Variants in SHFL observed in about 807,000 individuals in gnomAD.
The protein encoded by SHFL is shiftless antiviral inhibitor of ribosomal frameshifting protein.
Under a neutral mutation model 34.7 loss-of-function variants are expected in SHFL, and 12 were observed. The ratio of observed to expected loss-of-function variants is 0.35; its 90% CI spans 0.22 to 0.56. SHFL has a LOEUF of 0.56. Ranked by LOEUF, SHFL falls within the 20% of genes least tolerant of loss-of-function variation. The pLI is 0.88. For synonymous variants in SHFL, 148 were observed against 156.0 expected (o/e 0.95, Z 0.38); for missense variants, 278 against 411.1 (o/e 0.68, Z 2.80).
At chr19:10,088,953 T>TATA (rs76308973) in intron 3 of SHFL, 36,855 of 136,506 alleles carry the variant, frequency 0.27, 4,920 homozygotes, top group Middle Eastern at 0.34. Flanking sequence ...GTCTCAAAAA[T>TATA]ATAATAATAA....
Position 10,090,130 on chromosome 19 carries a change from C to T in SHFL, c.384+83C>T, listed in dbSNP as rs1177410103. On this transcript the variant is annotated intron_variant, in intron 5 of 7. Coordinates refer to ENST00000253110, the MANE Select transcript of SHFL (RefSeq NM_018381.4). ...TATCCTCAGTGACTGTACCTCTGAC[C>T]TAAGGATTTCAATCACTGAGAGTCC... The T allele has an allele frequency of 4.9e-6, 7 of 1,440,996 alleles. No individual in the cohort carries two copies. The South Asian group carries it at 7.6e-5, about 16-fold the overall frequency. The allele number at this position is 1,440,996 out of a possible 1,614,324, so 89.3% of individuals were successfully genotyped here.
chr19:10,087,591 A>G, intron 3 of SHFL: 1 of 445,486 alleles, frequency 2.2e-6, no homozygotes, highest in Non-Finnish European at 4.1e-6. Context: ...GGGGGCGCAG[A>G]GGTCAGAGAA....
chr19:10,091,764 C>G lies in SHFL; in HGVS notation c.643+134C>G. On this transcript the variant is annotated intron_variant, in intron 7 of 7. Coordinates refer to ENST00000253110, the MANE Select transcript of SHFL (RefSeq NM_018381.4). This position sits in a 1 kb window ranked among gnomAD's most constrained non-coding sequence, Gnocchi z 8.2. ...CTTCCACATGGCCTCCATGACCCCCCAGTCTCCGTGGTCTTGCCCAGGAGG... is the reference window on the plus strand; with the variant it reads ...CTTCCACATGGCCTCCATGACCCCCGAGTCTCCGTGGTCTTGCCCAGGAGG... 1.6e-6 allele frequency: 2 copies of G among 1,268,874 alleles called. No individual in the cohort carries two copies. The highest frequency in any genetic ancestry group is 2.6e-5 in the East Asian group (1 of 38,864). 78.6% of individuals were successfully genotyped at this position (1,268,874 alleles called of 1,614,324 possible).
At chr19:10,087,893 T>G (rs898871933) in intron 3 of SHFL, 1 of 160,756 alleles carries the variant, frequency 6.2e-6, no homozygotes, top group Non-Finnish European at 1.4e-5. Flanking sequence ...ATGGCTACTT[T>G]GCTTCTTTGA....
At position 10,091,133 on chromosome 19, in the gene SHFL, T is replaced by C. The variant is rs888206561; in HGVS notation, c.385-117T>C. On this transcript the variant is annotated intron_variant, in intron 5 of 7. Transcript: ENST00000253110. This position sits in a 1 kb window ranked among gnomAD's most constrained non-coding sequence, Gnocchi z 8.2. ...TACCCACGTGAAGTCACTGATTGAGTTGGGTTGCTCAAGCTGAGGCCAGCC... is the reference window on the plus strand; with the variant it reads ...TACCCACGTGAAGTCACTGATTGAGCTGGGTTGCTCAAGCTGAGGCCAGCC... 7.5e-5 allele frequency: 55 copies of C among 737,158 alleles called. No individual in the cohort carries two copies. In the African/African-American group the frequency reaches 8.7e-4, roughly 12 times the overall value. The allele number at this position is 737,158 out of a possible 1,614,324, so 45.7% of individuals were successfully genotyped here.
At position 10,088,463 on chromosome 19, in the gene SHFL, G is replaced by A. The variant is rs573960723; in HGVS notation, c.195+1163G>A. Among the ~76,000 whole-genome samples, 3 of 151,516 alleles carry A rather than the reference G, an allele frequency of 2.0e-5. No homozygotes were observed. In the East Asian group the frequency reaches 5.8e-4, roughly 30 times the overall value. On this transcript the variant is annotated intron_variant, in intron 3 of 7. Transcript: ENST00000253110. ...AGGCCCCTGTAGTCCCAGCTACTCA[G>A]GAGGCTGAGGCAGGAGAATGGCGTG...
In SHFL at chr19:10,086,697, GC is replaced by G; in HGVS notation, c.22-225del. 5.0e-6 allele frequency: 3 copies of G among 594,780 alleles called. No individual in the cohort carries two copies. The highest frequency in any genetic ancestry group is 1.9e-5 in the African/African-American group (1 of 53,134). 36.8% of individuals were successfully genotyped at this position (594,780 alleles called of 1,614,324 possible). On this transcript the variant is annotated intron_variant, in intron 1 of 7. Coordinates refer to ENST00000253110, the MANE Select transcript of SHFL (RefSeq NM_018381.4). The surrounding 1 kb of genome is among the most constrained non-coding windows in gnomAD (Gnocchi z 5.2). ...GTCAGAGGCCAGAGATAACCTGGCC[GC>G]CCCCCCACACCTTAGGCTGGGACGC... is the stretch of plus-strand genomic sequence containing the variant.
At chr19:10,089,602 G>A in intron 3 of SHFL, 55 bp from the exon 4 acceptor site, 2 of 1,560,612 alleles carry the variant, frequency 1.3e-6, no homozygotes, top group South Asian at 2.4e-5. Flanking sequence ...CAGCAAACGG[G>A]TGGAAAGAGG....
Position 10,091,542 on chromosome 19 carries a change from G to A in SHFL, c.555G>A (p.Arg185=), listed in dbSNP as rs1296255169. ...GCGGCTTCCCCGTGTATCCAACACG[G>A]ATCCTCCCCCCGCGCTGGGACCGGG... ...YGCGFPVYPT[R]ILPPRWDRDP... The change falls in exon 7 of 8, where the codon CGG becomes CGA. Residue 185 remains arginine (R), a synonymous_variant. Coordinates refer to ENST00000253110, the MANE Select transcript of SHFL (RefSeq NM_018381.4). This position sits in a 1 kb window ranked among gnomAD's most constrained non-coding sequence, Gnocchi z 8.2. The A allele has an allele frequency of 3.2e-6, 5 of 1,550,692 alleles. No homozygotes were observed. In the Admixed American group the frequency reaches 5.9e-5, roughly 18 times the overall value.
chr19:10,089,972 C>A lies in SHFL; in HGVS notation c.309C>A (p.Ile103=). The A allele has an allele frequency of 6.2e-7, 1 of 1,611,060 alleles. No homozygotes were observed. The highest frequency in any genetic ancestry group is 1.1e-5 in the South Asian group (1 of 90,158). ...RMFQRAQDDL[I]PAVDRQFACS... ...TTCAACGTGCCCAGGACGACCTTAT[C>A]CCTGCTGTGGACCGGCAGTTTGCCT... The change falls in exon 5 of 8, where the codon ATC becomes ATA. Residue 103 remains isoleucine, a synonymous_variant. Transcript: ENST00000253110.
At position 10,090,025 on chromosome 19, in the gene SHFL, G is replaced by A. The variant is rs759646145; in HGVS notation, c.362G>A (p.Arg121His). 9.3e-6 allele frequency: 15 copies of A among 1,605,072 alleles called. No individual in the cohort carries two copies. Among genetic ancestry groups the A allele is most frequent in the Non-Finnish European group, 1.0e-5 (12 of 1,176,398 alleles). Residue 121 changes from arginine to histidine, a missense_variant, in exon 5 of 8, where the codon CGC (arginine) becomes CAC (histidine). Physicochemically the swap from Arg to His is conservative, Grantham distance 29. Coordinates refer to ENST00000253110, the MANE Select transcript of SHFL (RefSeq NM_018381.4). Reference protein sequence around the residue: ...ACSSCDHVWWRRVPQRKEVSR... With the variant: ...ACSSCDHVWWHRVPQRKEVSR... ...TCCTCCTGCGACCACGTCTGGTGGCGCCGCGTGCCCCAGCGGAAGGAGGTG... is the reference window on the plus strand; with the variant it reads ...TCCTCCTGCGACCACGTCTGGTGGCACCGCGTGCCCCAGCGGAAGGAGGTG...
chr19:10,093,189 G>T lies in SHFL; in HGVS notation c.*887G>T. The T allele has an allele frequency of 1.0e-6, 1 of 999,814 alleles. No homozygotes were observed. The allele number at this position is 999,814 out of a possible 1,614,324, so 61.9% of individuals were successfully genotyped here. A position where few individuals can be genotyped will look rare whatever the true frequency, so the allele number is the denominator to read the frequency against. On this transcript the variant is annotated 3_prime_UTR_variant, in exon 8 of 8. Coordinates refer to ENST00000253110, the MANE Select transcript of SHFL (RefSeq NM_018381.4). Reference sequence around the variant, plus strand: ...ATCTGGACTCCCCATCCCCCCACCAGGATAAAAGTCCTGACCTTTGTTCTC... The same window carrying T: ...ATCTGGACTCCCCATCCCCCCACCATGATAAAAGTCCTGACCTTTGTTCTC...
At chr19:10,087,575 C>T in intron 3 of SHFL, 2 of 526,456 alleles carry the variant, frequency 3.8e-6, no homozygotes, top group South Asian at 2.2e-5. Context: ...TTATTGCCAT[C>T]ATAGCGGGGG....
In SHFL at chr19:10,092,051, A is replaced by C. The variant is rs1181338800; in HGVS notation, c.644-19A>C. The C allele has an allele frequency of 1.9e-6, 3 of 1,613,518 alleles. No homozygotes were observed. The highest frequency in any genetic ancestry group is 1.6e-4 in the Middle Eastern group (1 of 6,074). ...ATGGGACCTCCAGCCCCATGTCTGC[A>C]GCACCTCTCCCTCCCTAGAGCCCCA... On this transcript the variant is annotated intron_variant, in intron 7 of 7. Coordinates refer to ENST00000253110, the MANE Select transcript of SHFL (RefSeq NM_018381.4).
At position 10,092,805 on chromosome 19, in the gene SHFL, C is replaced by G. The variant is rs551292743; in HGVS notation, c.*503C>G. The stretch of plus-strand genomic sequence containing the variant: ...CTGAGGGGAGAGAGAGAGTCCATGT[C>G]CTCTCACCAGAATAAAAGCCTCTAC... On this transcript the variant is annotated 3_prime_UTR_variant, in exon 8 of 8. Transcript: ENST00000253110. 5.1e-6 allele frequency: 8 copies of G among 1,553,964 alleles called. No individual in the cohort carries two copies. The Admixed American group carries it at 1.5e-4, about 29-fold the overall frequency.
chr19:10,090,142 A>G, intron 5 of SHFL, 95 bp downstream of exon 5: 4 of 1,368,818 alleles, frequency 2.9e-6, no homozygotes, highest in Non-Finnish European at 4.0e-6. Context: ...AAGGATTTCA[A>G]TCACTGAGAG....
intron 4 of SHFL, 60 bp downstream of exon 4, chr19:10,089,755 G>C: frequency 1.3e-6 from 2 of 1,564,100 alleles, no homozygotes; most frequent in Non-Finnish European, 1.7e-6. Flanking sequence ...TGCAGGCACA[G>C]AAGGATGTCC....
chr19:10,091,115 G>A lies in SHFL; in HGVS notation c.385-135G>A, dbSNP rs932347138. On this transcript the variant is annotated intron_variant, in intron 5 of 7. Coordinates refer to ENST00000253110, the MANE Select transcript of SHFL (RefSeq NM_018381.4). The surrounding 1 kb of genome is among the most constrained non-coding windows in gnomAD (Gnocchi z 8.2). Reference sequence around the variant, plus strand: ...CCATGGTCAATATCAGGCTACCCACGTGAAGTCACTGATTGAGTTGGGTTG... The same window carrying A: ...CCATGGTCAATATCAGGCTACCCACATGAAGTCACTGATTGAGTTGGGTTG... 5.1e-5 allele frequency: 34 copies of A among 660,514 alleles called. No individual in the cohort carries two copies. The highest frequency in any genetic ancestry group is 4.7e-4 in the East Asian group (17 of 36,386). The allele number at this position is 660,514 out of a possible 1,614,324, so 40.9% of individuals were successfully genotyped here.
Position 10,091,494 on chromosome 19 carries a change from G to T in SHFL, c.507G>T (p.Gly169=). Residue 169 remains glycine, a synonymous_variant, in exon 7 of 8, where the codon GGG becomes GGT. Transcript: ENST00000253110. This position sits in a 1 kb window ranked among gnomAD's most constrained non-coding sequence, Gnocchi z 8.2. ...CCCCCAGGGGCTGGGCACAGATGGGGTCCCCGTCCCCCTGCTACGGGTGCG... is the reference window on the plus strand; with the variant it reads ...CCCCCAGGGGCTGGGCACAGATGGGTTCCCCGTCCCCCTGCTACGGGTGCG... ...RHNFRGWAQM[G]SPSPCYGCGF... 1 of 1,542,968 alleles carries T rather than the reference G, an allele frequency of 6.5e-7. No individual in the cohort carries two copies. Among genetic ancestry groups the T allele is most frequent in the Non-Finnish European group, 8.8e-7 (1 of 1,142,042 alleles).
Sources: gnomAD v4.1 joint callset for allele counts (sites outside exome capture counted in the v4.1 genomes callset) on GRCh38, gnomAD v4.1.1 for gene constraint, Gnocchi (gnomAD v3.1) non-coding constraint, MANE v1.5 for transcripts, NCBI Gene and HGNC (gene_info 2026-07-23, HGNC 2026-07-21) for gene names.